DNAH11: variants seen among roughly 807,000 people sequenced by gnomAD.
DNAH11 encodes axonemal beta dynein heavy chain 11.
A neutral mutation model predicts 526.0 loss-of-function variants in DNAH11; 442 were observed. The ratio of observed to expected loss-of-function variants is 0.84; its 90% CI spans 0.78 to 0.91. The LOEUF (loss-of-function observed/expected upper bound fraction) is 0.91. DNAH11 is among the 40% of genes least tolerant of loss of function. DNAH11 has a pLI of 0.00. For synonymous variants in DNAH11, 2,461 were observed against 1,935.9 expected (o/e 1.27, Z -7.12); for missense variants, 6,989 against 5,448.7 (o/e 1.28, Z -8.90).
intron 28 of DNAH11, among the ~76,000 whole-genome samples, chr7:21,643,994 C>T (rs994083587): frequency 2.6e-5 from 4 of 152,232 alleles, no homozygotes; most frequent in Non-Finnish European, 5.9e-5. Flanking sequence ...TGACAAGATA[C>T]ATATACTCAG....
At chr7:21,666,184 G>T (rs1471588605) in intron 30 of DNAH11, among the ~76,000 whole-genome samples, 2 of 151,936 alleles carry the variant, frequency 1.3e-5, no homozygotes, top group East Asian at 3.9e-4. Flanking sequence ...TTTCCCCCTT[G>T]GATCTATGGT....
intron 55 of DNAH11, among the ~76,000 whole-genome samples, chr7:21,769,912 C>A (rs972009671): frequency 6.6e-6 from 1 of 152,250 alleles, no homozygotes; most frequent in African/African-American, 2.4e-5. Context: ...TTGGCTTCTG[C>A]TGGACTTTGT....
chr7:21,831,756 G>A (rs566949804), intron 65 of DNAH11, among the ~76,000 whole-genome samples: 2 of 152,228 alleles, frequency 1.3e-5, no homozygotes, highest in African/African-American at 4.8e-5. Flanking sequence ...AGCATCTTAC[G>A]GAGGTTAACT....
At chr7:21,588,387 A>C in intron 10 of DNAH11, 125 bp from the exon 11 acceptor site, 1 of 1,350,944 alleles carries the variant, frequency 7.4e-7, no homozygotes, top group Non-Finnish European at 1.0e-6. Flanking sequence ...CTAGTAATCA[A>C]GTGATTAAAC....
intron 38 of DNAH11, 116 bp from the exon 39 acceptor site, chr7:21,705,344 G>C: frequency 1.1e-6 from 1 of 906,236 alleles, no homozygotes; most frequent in Non-Finnish European, 1.7e-6. Flanking sequence ...TGAACATACT[G>C]TTGTCAGTGG....
intron 45 of DNAH11, among the ~76,000 whole-genome samples, chr7:21,726,419 C>A (rs16872875): frequency 0.16 from 24,794 of 151,842 alleles, 3,139 homozygotes; most frequent in East Asian, 0.35. Flanking sequence ...CAAACCATAT[C>A]ACCGATATTC....
chr7:21,718,632 T>C (rs1451349600), intron 43 of DNAH11, among the ~76,000 whole-genome samples: 1 of 152,066 alleles, frequency 6.6e-6, no homozygotes, highest in East Asian at 1.9e-4. Flanking sequence ...CACACAGAAA[T>C]GAAGGCTGTG....
chr7:21,835,292 A>G (rs906827590), intron 65 of DNAH11, among the ~76,000 whole-genome samples: 15 of 152,100 alleles, frequency 9.9e-5, no homozygotes, highest in Non-Finnish European at 1.5e-5. Flanking sequence ...CCCTGATACT[A>G]AAACCAGATA....
chr7:21,592,075 C>G (rs1784707289), intron 14 of DNAH11, among the ~76,000 whole-genome samples: 1 of 152,114 alleles, frequency 6.6e-6, no homozygotes, highest in Non-Finnish European at 1.5e-5. Flanking sequence ...AACACACACA[C>G]ACACACAAAA....
chr7:21,871,984 C>G (rs1280988200), intron 73 of DNAH11, among the ~76,000 whole-genome samples: 1 of 151,300 alleles, frequency 6.6e-6, no homozygotes, highest in African/African-American at 2.4e-5. Context: ...ATTAGCTGGG[C>G]GTGGTGGTGG....
At chr7:21,614,996 A>C in intron 20 of DNAH11, 118 bp from the exon 21 acceptor site, 1 of 1,213,442 alleles carries the variant, frequency 8.2e-7, no homozygotes, top group Non-Finnish European at 1.1e-6. Flanking sequence ...CTGCAGATTT[A>C]TTTTTATTTT....
At chr7:21,572,622 C>T (rs1246368059) in intron 8 of DNAH11, among the ~76,000 whole-genome samples, 3 of 152,138 alleles carry the variant, frequency 2.0e-5, no homozygotes, top group Non-Finnish European at 2.9e-5. Context: ...GAAGATTTAG[C>T]TCTTGTTCTT....
At chr7:21,598,153 CAG>C (rs1172388753) in intron 14 of DNAH11, among the ~76,000 whole-genome samples, 3 of 152,178 alleles carry the variant, frequency 2.0e-5, no homozygotes, top group African/African-American at 7.2e-5. Context: ...TCAAAGAAAA[CAG>C]AGAGTATAGT....
intron 55 of DNAH11, among the ~76,000 whole-genome samples, chr7:21,769,412 C>A (rs1186227240): frequency 6.6e-6 from 1 of 152,156 alleles, no homozygotes; most frequent in Non-Finnish European, 1.5e-5. Context: ...GAAGCAGCCA[C>A]ACCATTCACA....
At chr7:21,867,728 C>A in intron 71 of DNAH11, 131 bp from the exon 72 acceptor site, 1 of 755,800 alleles carries the variant, frequency 1.3e-6, no homozygotes, top group Non-Finnish European at 2.1e-6. Flanking sequence ...TATTGTTATT[C>A]TAACAAGACA....
At chr7:21,588,687 C>T in intron 11 of DNAH11, 51 bp downstream of exon 11, 1 of 1,585,378 alleles carries the variant, frequency 6.3e-7, no homozygotes, top group Non-Finnish European at 8.6e-7. Flanking sequence ...GTACGGGTGA[C>T]ATTTTATATA....
At chr7:21,858,041 G>T (rs1430454016) in intron 68 of DNAH11, among the ~76,000 whole-genome samples, 2 of 152,112 alleles carry the variant, frequency 1.3e-5, no homozygotes, top group Non-Finnish European at 2.9e-5. Flanking sequence ...CAAAGAATTT[G>T]TATCAGGATA....
chr7:21,773,341 C>CTT (rs200549631), intron 55 of DNAH11, among the ~76,000 whole-genome samples: 93 of 126,654 alleles, frequency 7.3e-4, no homozygotes, highest in East Asian at 2.6e-3. Flanking sequence ...TAAGTTTTGG[C>CTT]TTTTTTTTTT....
chr7:21,697,723 C>G (rs1209153919), intron 35 of DNAH11, among the ~76,000 whole-genome samples: 1 of 152,164 alleles, frequency 6.6e-6, no homozygotes, highest in Non-Finnish European at 1.5e-5. Context: ...AAAACATTAA[C>G]CAGCACACCA....
Sources: allele counts gnomAD v4.1 joint callset (sites outside exome capture counted in the v4.1 genomes callset), GRCh38; gene constraint gnomAD v4.1.1; transcripts MANE v1.5; gene names NCBI Gene and HGNC (gene_info 2026-07-23, HGNC 2026-07-21).